MTA3: variants seen among roughly 807,000 people sequenced by gnomAD.
MTA3 encodes the protein metastasis-associated protein MTA3.
Under a neutral mutation model 83.5 loss-of-function variants are expected in MTA3, and 34 were observed. That is an observed-to-expected ratio of 0.41 (90% CI 0.31 to 0.54). MTA3 has a LOEUF of 0.54. Among genes scored for constraint, MTA3 ranks in the 20% least tolerant of loss-of-function variants. MTA3 has a pLI of 0.33. For synonymous variants in MTA3, 303 were observed against 252.7 expected, an observed-to-expected ratio of 1.20 and a Z score of -1.89; for missense variants, 761 against 726.4, an observed-to-expected ratio of 1.05 and a Z score of -0.55.
chr2:42,737,187 G>A (rs1163304728), intron 16 of MTA3, among the ~76,000 whole-genome samples: 1 of 152,204 alleles, frequency 6.6e-6, no homozygotes, highest in Non-Finnish European at 1.5e-5. Context: ...GACCAGCACA[G>A]CACCAGGATT....
chr2:42,736,703 A>T (rs1038635318), intron 16 of MTA3, among the ~76,000 whole-genome samples: 1 of 151,860 alleles, frequency 6.6e-6, no homozygotes, highest in Non-Finnish European at 1.5e-5. Context: ...GTCTCTCCTC[A>T]TAGCCACCCA....
intron 8 of MTA3, chr2:42,680,282 G>C (rs1320543446): frequency 6.6e-6 from 1 of 152,228 alleles, no homozygotes; most frequent in Non-Finnish European, 1.5e-5. Context: ...CTTGATCTTC[G>C]AGTTAGCAGT....
upstream of MTA3, among the ~76,000 whole-genome samples, chr2:42,565,810 T>C (rs927593387): frequency 2.0e-5 from 3 of 152,006 alleles, no homozygotes; most frequent in Non-Finnish European, 1.5e-5. Context: ...TCCAGACCAG[T>C]GTGGCCAACA....
chr2:42,735,163 T>C (rs748842165), intron 16 of MTA3, among the ~76,000 whole-genome samples: 3 of 152,190 alleles, frequency 2.0e-5, no homozygotes, highest in Non-Finnish European at 4.4e-5. Flanking sequence ...GTTGATGACA[T>C]TTTTTAGCTT....
chr2:42,513,683 T>A (rs890912826), intron 2 of MTA3, among the ~76,000 whole-genome samples: 2 of 152,058 alleles, frequency 1.3e-5, no homozygotes, highest in African/African-American at 4.8e-5. Context: ...GGAGGGACAT[T>A]TGGAAAACTA....
intron 3 of MTA3, among the ~76,000 whole-genome samples, chr2:42,594,247 T>C (rs1315595237): frequency 0.023 from 644 of 28,622 alleles, 4 homozygotes; most frequent in African/African-American, 0.13. Flanking sequence ...CAGGCCCCTT[T>C]TTTTTTTTTT....
chr2:42,660,071 G>A (rs1448565376), intron 8 of MTA3, among the ~76,000 whole-genome samples: 1 of 151,802 alleles, frequency 6.6e-6, no homozygotes, highest in African/African-American at 2.4e-5. Flanking sequence ...ATTAGAAAGA[G>A]GGGCTGTTTT....
intron 8 of MTA3, among the ~76,000 whole-genome samples, chr2:42,673,563 G>A (rs1691037871): frequency 1.3e-5 from 2 of 152,166 alleles, no homozygotes; most frequent in African/African-American, 2.4e-5. Flanking sequence ...CATTTTACAG[G>A]TTGGGTTCCC....
chr2:42,541,831 C>A (rs1676527202), intron 2 of MTA3, among the ~76,000 whole-genome samples: 1 of 152,166 alleles, frequency 6.6e-6, no homozygotes, highest in African/African-American at 2.4e-5. Flanking sequence ...CTCAGTAATA[C>A]CTATTCAAAC....
intron 14 of MTA3, among the ~76,000 whole-genome samples, chr2:42,710,687 T>C (rs1463709922): frequency 3.3e-5 from 5 of 152,186 alleles, no homozygotes; most frequent in African/African-American, 1.2e-4. Flanking sequence ...TGAGACCTCA[T>C]GGACTTACGT....
chr2:42,648,247 A>G (rs564989412), intron 6 of MTA3, among the ~76,000 whole-genome samples: 12 of 152,322 alleles, frequency 7.9e-5, no homozygotes, highest in Middle Eastern at 3.4e-3. Context: ...TTGCCATCAC[A>G]GAAACTCCCA....
intron 9 of MTA3, among the ~76,000 whole-genome samples, chr2:42,685,729 C>T (rs1692314532): frequency 6.6e-6 from 1 of 152,134 alleles, no homozygotes; most frequent in Non-Finnish European, 1.5e-5. Flanking sequence ...ATTTTGGAGA[C>T]TGGAATTGGC....
At chr2:42,751,938 C>CTG (rs901654571) in intron 16 of MTA3, among the ~76,000 whole-genome samples, 12 of 152,262 alleles carry the variant, frequency 7.9e-5, no homozygotes, top group African/African-American at 2.2e-4. Flanking sequence ...GAACACTGGG[C>CTG]TGGATGGAGA....
chr2:42,671,045 T>G (rs1690746503), intron 8 of MTA3, among the ~76,000 whole-genome samples: 4 of 152,134 alleles, frequency 2.6e-5, no homozygotes, highest in Admixed American at 2.6e-4. Context: ...AGTTGTTGTA[T>G]CTTCATAGTC....
chr2:42,697,782 C>G lies in MTA3; in HGVS notation c.973C>G (p.Leu325Val), dbSNP rs1228094770. The G allele has an allele frequency of 6.5e-7, 1 of 1,540,856 alleles. No homozygotes were observed. Among genetic ancestry groups the G allele is most frequent in the Non-Finnish European group, 8.7e-7 (1 of 1,144,194 alleles). The change falls in exon 11 of 17, where the codon CTA becomes GTA. Residue 325 changes from leucine (L) to valine (V), a missense_variant. Transcript: ENST00000405094. ...TTDRYVQQKR[L>V]KAAEAESKLK... The stretch of plus-strand genomic sequence containing the variant: ...TATTCATCTTTTGAATTAGAAACGT[C>G]TAAAAGCAGCAGAAGCTGAGAGTAA...
chr2:42,652,981 G>T (rs565675700), intron 6 of MTA3, among the ~76,000 whole-genome samples: 1 of 152,098 alleles, frequency 6.6e-6, no homozygotes, highest in Non-Finnish European at 1.5e-5. Context: ...CCTAGGAAAG[G>T]GCCTTTAGGA....
At chr2:42,566,635 A>G (rs765010680), upstream of MTA3, among the ~76,000 whole-genome samples, 4 of 152,170 alleles carry the variant, frequency 2.6e-5, no homozygotes, top group Non-Finnish European at 5.9e-5. Context: ...TTCACCATTT[A>G]TTGTGGTTAG....
intron 2 of MTA3, among the ~76,000 whole-genome samples, chr2:42,550,437 G>A (rs1677058702): frequency 6.6e-6 from 1 of 152,200 alleles, no homozygotes; most frequent in Non-Finnish European, 1.5e-5. Flanking sequence ...ATACAGTAGT[G>A]TAATGGAGGT....
intron 8 of MTA3, among the ~76,000 whole-genome samples, chr2:42,666,167 C>T (rs11900308): frequency 0.76 from 115,431 of 150,956 alleles, 44,705 homozygotes; most frequent in African/African-American, 0.88. Context: ...GTCCCAGCTA[C>T]TCGGGAGGCT....
Sources: gnomAD v4.1 joint callset for allele counts (sites outside exome capture counted in the v4.1 genomes callset) on GRCh38, gnomAD v4.1.1 for gene constraint, MANE v1.5 for transcripts, NCBI Gene and HGNC (gene_info 2026-07-23, HGNC 2026-07-21) for gene names.